The following SYNE2 variants were observed in gnomAD, a reference collection of about 807,000 sequenced individuals.
The protein encoded by SYNE2 is nesprin-2.
In SYNE2, 431 loss-of-function variants were observed where a neutral mutation model predicts 856.3. The ratio of observed to expected loss-of-function variants is 0.50; its 90% CI spans 0.47 to 0.55. The LOEUF is 0.55. Among genes scored for constraint, SYNE2 ranks in the 20% least tolerant of loss-of-function variants. SYNE2 has a pLI of 0.00. For missense variants in SYNE2, 8,129 were observed against 8,023.2 expected (o/e 1.01, Z -0.50); for synonymous variants, 2,923 against 2,872.3 (o/e 1.02, Z -0.56).
chr14:64,142,083 C>T lies in SYNE2; in HGVS notation c.15301C>T (p.His5101Tyr), dbSNP rs747917397. The T allele has an allele frequency of 6.2e-7, 1 of 1,614,068 alleles. No homozygotes were observed. Among genetic ancestry groups the T allele is most frequent in the Non-Finnish European group, 8.5e-7 (1 of 1,179,978 alleles). The stretch of plus-strand genomic sequence containing the variant: ...TCAAGTTAAACATCTTCTTCAGAAG[C>T]ACAAGGTAATTATGCAAAAGGAGCA... ...ASQVKHLLQK[H>Y]KEFRMEMDYK... is the part of the protein sequence containing the mutation. Residue 5101 changes from histidine (H) to tyrosine (Y), a missense_variant, in exon 82 of 116, where the codon CAC becomes TAC. Around this residue, in one of 3 missense-constraint regions of SYNE2, gnomAD observed 5,410 missense variants for 5,284.8 expected, o/e 1.02. Coordinates refer to ENST00000555002, the MANE Select transcript of SYNE2 (RefSeq NM_182914.3).
intron 2 of SYNE2, among the ~76,000 whole-genome samples, chr14:63,925,948 G>T (rs1176115896): frequency 6.6e-6 from 1 of 151,880 alleles, no homozygotes; most frequent in Admixed American, 6.6e-5. Flanking sequence ...CTGCCTCCTG[G>T]GCTCAAGCGA....
intron 1 of SYNE2, among the ~76,000 whole-genome samples, chr14:63,813,488 A>G (rs12890345): frequency 0.062 from 9,486 of 152,346 alleles, 326 homozygotes; most frequent in Admixed American, 0.1. Context: ...ACTTGAAATC[A>G]CTAATAACAC....
At chr14:63,966,800 T>TGC (rs1268147060) in intron 10 of SYNE2, among the ~76,000 whole-genome samples, 4 of 152,168 alleles carry the variant, frequency 2.6e-5, no homozygotes, top group Non-Finnish European at 5.9e-5. Flanking sequence ...GCTCAAGTGA[T>TGC]GCACCTGCCT....
intron 107 of SYNE2, chr14:64,215,783 A>G: frequency 2.1e-6 from 1 of 472,980 alleles, no homozygotes; most frequent in Non-Finnish European, 3.4e-6. Context: ...ACAGGAGGGA[A>G]AAAACCTTCC....
chr14:64,151,097 C>A (rs1002435517), intron 84 of SYNE2, among the ~76,000 whole-genome samples: 1 of 152,286 alleles, frequency 6.6e-6, no homozygotes, highest in Non-Finnish European at 1.5e-5. Context: ...TCCATTCTCT[C>A]ATCATCCGTT....
intron 61 of SYNE2, among the ~76,000 whole-genome samples, chr14:64,096,661 A>C (rs1042742596): frequency 6.6e-6 from 1 of 152,244 alleles, no homozygotes. Flanking sequence ...CAGACAGAAT[A>C]GGGGTATTGG....
intron 1 of SYNE2, among the ~76,000 whole-genome samples, chr14:63,779,947 A>G (rs1887248730): frequency 6.6e-6 from 1 of 152,136 alleles, no homozygotes; most frequent in South Asian, 2.1e-4. Context: ...CGGAATACAG[A>G]TGGGAAATGA....
chr14:64,197,537 G>A (rs139669381), intron 99 of SYNE2, among the ~76,000 whole-genome samples: 6 of 152,244 alleles, frequency 3.9e-5, no homozygotes, highest in Admixed American at 1.3e-4. Flanking sequence ...ACAGCTGCCC[G>A]CAGGTTTGAC....
intron 94 of SYNE2, among the ~76,000 whole-genome samples, chr14:64,171,399 G>A (rs1020080733): frequency 6.6e-6 from 1 of 152,106 alleles, no homozygotes; most frequent in African/African-American, 2.4e-5. Flanking sequence ...AGACAAAGTA[G>A]TAAACCAGAA....
At position 64,003,218 on chromosome 14, in the gene SYNE2, C is replaced by T. The variant is rs761375106; in HGVS notation, c.4285C>T (p.Leu1429=). Residue 1429 remains leucine (L), a synonymous_variant, in exon 30 of 116, where the codon CTA becomes TTA. Transcript: ENST00000555002. ...GGAATTCACTGAGGAAAACAAATTA[C>T]TAGAGGCTTGTATTTTCAAAAATAA... The part of the protein sequence containing the change: ...QEEFTEENKL[L]EACIFKNNEL... The T allele has an allele frequency of 2.4e-5, 39 of 1,613,714 alleles. No homozygotes were observed. Among genetic ancestry groups the T allele is most frequent in the Middle Eastern group, 1.6e-4 (1 of 6,084 alleles).
intron 2 of SYNE2, among the ~76,000 whole-genome samples, chr14:63,940,286 G>C (rs1566856526): frequency 6.6e-6 from 1 of 151,950 alleles, no homozygotes; most frequent in Non-Finnish European, 1.5e-5. Context: ...AAACTCCTGA[G>C]CTCACACGAT....
At chr14:63,851,634 T>A (rs1232556728), upstream of SYNE2, among the ~76,000 whole-genome samples, 3 of 152,178 alleles carry the variant, frequency 2.0e-5, no homozygotes, top group Non-Finnish European at 4.4e-5. Context: ...TTCCAAATTG[T>A]GGGTACAACT....
At chr14:64,092,956 C>T (rs548674228) in intron 60 of SYNE2, among the ~76,000 whole-genome samples, 1 of 150,314 alleles carries the variant, frequency 6.7e-6, no homozygotes, top group African/African-American at 2.5e-5. Flanking sequence ...CGGAAAGCCC[C>T]CCCGCTCCCC....
chr14:63,906,138 A>T (rs1459269552), intron 1 of SYNE2, among the ~76,000 whole-genome samples: 1 of 152,220 alleles, frequency 6.6e-6, no homozygotes, highest in Non-Finnish European at 1.5e-5. Context: ...CCAACCTTGC[A>T]TCCCAGGAAT....
chr14:64,041,742 T>C (rs754002974), intron 45 of SYNE2, among the ~76,000 whole-genome samples: 1 of 151,638 alleles, frequency 6.6e-6, no homozygotes, highest in Non-Finnish European at 1.5e-5. Context: ...CCCACCAACT[T>C]GGGAGGCTGA....
intron 64 of SYNE2, among the ~76,000 whole-genome samples, chr14:64,105,491 A>G (rs2097765033): frequency 6.6e-6 from 1 of 152,226 alleles, no homozygotes; most frequent in African/African-American, 2.4e-5. Flanking sequence ...AATTGCAAGC[A>G]TAGGTAAGAT....
At position 63,857,619 on chromosome 14, in the gene SYNE2, C is replaced by T. The variant is rs117923220; in HGVS notation, c.-52+4476C>T. ...GGTTCCAGTTGCCCCAGATCCTTGC[C>T]AACAGTTGGGGTGGTTAGGCTTTTA... On this transcript the variant is annotated intron_variant, in intron 1 of 115. Transcript: ENST00000555002. 4.0e-3 allele frequency among the ~76,000 whole-genome samples: 613 copies of T among 152,256 alleles called. 14 individuals are homozygous for T. In the East Asian group the frequency reaches 0.073, roughly 18 times the overall value.
intron 1 of SYNE2, among the ~76,000 whole-genome samples, chr14:63,818,379 A>G (rs988339228): frequency 8.1e-5 from 12 of 148,742 alleles, no homozygotes; most frequent in African/African-American, 2.7e-4. Context: ...TTAGTTGGGC[A>G]TGGTGACACA....
At chr14:64,188,929 G>A (rs748365695) in intron 98 of SYNE2, 54 of 705,384 alleles carry the variant, frequency 7.7e-5, no homozygotes, top group Middle Eastern at 2.3e-4. Flanking sequence ...GCATGGTACC[G>A]AGGAGAGTTG....
Sources: gnomAD v4.1 joint callset for allele counts (sites outside exome capture counted in the v4.1 genomes callset) on GRCh38, gnomAD v4.1.1 for gene constraint, gnomAD v4.1.1 regional missense constraint, MANE v1.5 for transcripts, NCBI Gene and HGNC (gene_info 2026-07-23, HGNC 2026-07-21) for gene names.